Variants in TRERF1 observed in about 807,000 individuals in gnomAD.
TRERF1 encodes the protein transcriptional regulating factor 1, also known as transcriptional-regulating factor 1.
TRERF1 carries 27 observed loss-of-function variants against 122.9 expected under a neutral mutation model. The observed-to-expected ratio is 0.22, with a 90% CI of 0.16 to 0.30. TRERF1 has a LOEUF of 0.30. Among genes scored for constraint, TRERF1 ranks in the 10% least tolerant of loss-of-function variants. The pLI is 1.00. For synonymous variants in TRERF1, 636 were observed against 641.7 expected, an observed-to-expected ratio of 0.99 and a Z score of 0.13; for missense variants, 1,248 against 1,560.3, an observed-to-expected ratio of 0.80 and a Z score of 3.37.
chr6:42,368,892 G>A (rs1007358149), intron 2 of TRERF1, among the ~76,000 whole-genome samples: 1 of 152,096 alleles, frequency 6.6e-6, no homozygotes, highest in Non-Finnish European at 1.5e-5. Context: ...CACAGTATCT[G>A]AAAGGAATGA....
chr6:42,300,588 A>C (rs1236623358), intron 4 of TRERF1, 50 bp downstream of exon 4: 1 of 152,624 alleles, frequency 6.6e-6, no homozygotes, highest in Non-Finnish European at 1.5e-5. Context: ...AAAGTGTTAA[A>C]ATGAAAATGA....
At chr6:42,322,384 C>A (rs181562266) in intron 3 of TRERF1, among the ~76,000 whole-genome samples, 32 of 152,082 alleles carry the variant, frequency 2.1e-4, no homozygotes, top group African/African-American at 7.0e-4. Context: ...GTTAAAAGTG[C>A]CTCCAAGCAG....
chr6:42,228,202 T>C lies in TRERF1; in HGVS notation c.*143A>G. ...TAAATAAAAGGAAAAGAAATAGGAT[T>C]TTTTTTTCTAAACCTGAATAAAATG... On this transcript the variant is annotated 3_prime_UTR_variant, in exon 18 of 18. Transcript: ENST00000372922. The surrounding 1 kb of genome is among the most constrained non-coding windows in gnomAD (Gnocchi z 4.2). 1 of 726,716 alleles carries C rather than the reference T, an allele frequency of 1.4e-6. No homozygotes were observed. Among genetic ancestry groups the C allele is most frequent in the East Asian group, 3.1e-5 (1 of 32,152 alleles). The allele number at this position is 726,716 out of a possible 1,614,324, so 45.0% of individuals were successfully genotyped here.
At chr6:42,376,773 C>A (rs1774961325) in intron 2 of TRERF1, among the ~76,000 whole-genome samples, 1 of 151,718 alleles carries the variant, frequency 6.6e-6, no homozygotes. Flanking sequence ...AATCTCTTGA[C>A]CTTATGATTT....
chr6:42,259,434 C>T lies in TRERF1; in HGVS notation c.2174G>A (p.Ser725Asn), dbSNP rs1244759860. 138 of 1,592,222 alleles carry T rather than the reference C, an allele frequency of 8.7e-5. No individual in the cohort carries two copies. The highest frequency in any genetic ancestry group is 1.1e-4 in the Non-Finnish European group (127 of 1,174,324). ...GCCGTGGCCGGAGATGAGGACATTG[C>T]TGAAGAGCCCCGAGCCCTGGCGCAC... Residue 725 changes from serine (S) to asparagine (N), a missense_variant, in exon 9 of 18, where the codon AGC (serine) becomes AAC (asparagine). Physicochemically the swap from Ser to Asn is conservative, Grantham distance 46. Coordinates refer to ENST00000372922, the Ensembl canonical transcript of TRERF1. The surrounding 1 kb of genome is among the most constrained non-coding windows in gnomAD (Gnocchi z 4.9).
At chr6:42,430,926 T>C (rs1582189065) in intron 2 of TRERF1, among the ~76,000 whole-genome samples, 1 of 142,576 alleles carries the variant, frequency 7.0e-6, no homozygotes, top group East Asian at 2.0e-4. Context: ...CCGGGTGTTG[T>C]GGCAGGCAAC....
At chr6:42,363,990 G>A (rs2150973734) in intron 2 of TRERF1, among the ~76,000 whole-genome samples, 1 of 152,284 alleles carries the variant, frequency 6.6e-6, no homozygotes, top group Middle Eastern at 3.4e-3. Flanking sequence ...CAGCCTAAGT[G>A]ATCATTTAAA....
At chr6:42,382,139 G>C (rs958806549) in intron 2 of TRERF1, among the ~76,000 whole-genome samples, 3 of 151,356 alleles carry the variant, frequency 2.0e-5, no homozygotes, top group African/African-American at 7.3e-5. Context: ...TCCCAAGTGT[G>C]GTACCCAAAT....
intron 2 of TRERF1, among the ~76,000 whole-genome samples, chr6:42,440,344 T>C (rs1044195292): frequency 2.0e-5 from 3 of 152,162 alleles, no homozygotes; most frequent in African/African-American, 4.8e-5. Context: ...GAGCGGGTCC[T>C]GAGTTTGGAT....
intron 2 of TRERF1, among the ~76,000 whole-genome samples, chr6:42,396,929 G>A (rs1234335569): frequency 6.6e-6 from 1 of 152,052 alleles, no homozygotes; most frequent in Non-Finnish European, 1.5e-5. Flanking sequence ...TGAAGGAGGC[G>A]CTGCGGCCCT....
chr6:42,305,053 G>C (rs1004422323), intron 3 of TRERF1, among the ~76,000 whole-genome samples: 1 of 152,160 alleles, frequency 6.6e-6, no homozygotes, highest in Admixed American at 6.5e-5. Flanking sequence ...CACGTTGCTA[G>C]GACTTCCCAG....
chr6:42,269,321 C>G lies in TRERF1; in HGVS notation c.270G>C (p.Gly90=), dbSNP rs1779819438. The G allele has an allele frequency of 6.2e-7, 1 of 1,614,038 alleles. No homozygotes were observed. Among genetic ancestry groups the G allele is most frequent in the Non-Finnish European group, 8.5e-7 (1 of 1,180,034 alleles). The stretch of plus-strand genomic sequence containing the variant: ...CACGTAGCTGGACATGGTTTCCAGG[C>G]CCTGCATGACTTCCCCACCCTCCCT... Residue 90 remains glycine (G), a synonymous_variant, in exon 5 of 18, where the codon GGG becomes GGC. Transcript: ENST00000372922. This position sits in a 1 kb window ranked among gnomAD's most constrained non-coding sequence, Gnocchi z 4.9.
At chr6:42,266,455 C>G (rs569168271) in intron 5 of TRERF1, among the ~76,000 whole-genome samples, 46 of 152,290 alleles carry the variant, frequency 3.0e-4, no homozygotes, top group African/African-American at 1.1e-3. Context: ...TTCCAAAGTG[C>G]TTGGATTATA....
chr6:42,256,801 C>T (rs1287791881), exon 12 of TRERF1: 3 of 1,614,242 alleles, frequency 1.9e-6, no homozygotes, highest in Non-Finnish European at 2.5e-6. Context: ...TGGCAATGCA[C>T]TGGAACAGCA....
chr6:42,350,245 G>A (rs930597874), intron 3 of TRERF1, among the ~76,000 whole-genome samples: 4 of 152,152 alleles, frequency 2.6e-5, no homozygotes, highest in Admixed American at 6.5e-5. Flanking sequence ...AAGCCCTCAC[G>A]TTTTGCAGAT....
chr6:42,349,401 T>G (rs1280388808), intron 3 of TRERF1, among the ~76,000 whole-genome samples: 1 of 151,998 alleles, frequency 6.6e-6, no homozygotes, highest in Non-Finnish European at 1.5e-5. Flanking sequence ...ATTTTCTTCT[T>G]CTGCTTGAAC....
chr6:42,330,631 A>G (rs1293766305), intron 3 of TRERF1, among the ~76,000 whole-genome samples: 1 of 152,208 alleles, frequency 6.6e-6, no homozygotes, highest in East Asian at 1.9e-4. Flanking sequence ...GAATATGCCT[A>G]AAGATTTAGC....
chr6:42,344,888 CCAACTAGATTACAGGTTCCATGAGGG>C (rs762592942), intron 3 of TRERF1, among the ~76,000 whole-genome samples: 1 of 152,204 alleles, frequency 6.6e-6, no homozygotes, highest in Non-Finnish European at 1.5e-5. Flanking sequence ...CATGTCTAGC[CCAACTAGATTACAGGTTCCATGAGGG>C]CAGGGAATCT....
At chr6:42,250,134 A>G (rs1775491223) in intron 13 of TRERF1, among the ~76,000 whole-genome samples, 1 of 152,156 alleles carries the variant, frequency 6.6e-6, no homozygotes, top group Admixed American at 6.5e-5. Context: ...GTTTCCCCAC[A>G]TGACATGGGG....
Sources: gnomAD v4.1 joint callset for allele counts (sites outside exome capture counted in the v4.1 genomes callset) on GRCh38, gnomAD v4.1.1 for gene constraint, Gnocchi (gnomAD v3.1) non-coding constraint, MANE v1.5 for transcripts, NCBI Gene and HGNC (gene_info 2026-07-23, HGNC 2026-07-21) for gene names.